THSD4: variants seen among roughly 807,000 people sequenced by gnomAD.
THSD4 encodes the protein thrombospondin type-1 domain-containing protein 4.
A neutral mutation model predicts 119.0 loss-of-function variants in THSD4; 69 were observed. The observed-to-expected ratio is 0.58, with a 90% CI of 0.48 to 0.71. The LOEUF (loss-of-function observed/expected upper bound fraction) is 0.71. THSD4 is among the 30% of genes least tolerant of loss of function. THSD4 has a pLI of 0.00. For missense variants in THSD4, 1,393 were observed against 1,391.1 expected (o/e 1.00, Z -0.02); for synonymous variants, 524 against 540.4 (o/e 0.97, Z 0.42).
chr15:71,730,588 T>A (rs2052957393), intron 9 of THSD4: 1 of 153,274 alleles, frequency 6.5e-6, no homozygotes, highest in Non-Finnish European at 1.5e-5. Context: ...CCTGGCCCCA[T>A]GTCTTTGTGT....
chr15:71,199,852 A>ATGCATGTGTGGGGTGTGTGTGTGTGTGG (rs1567155024), intron 3 of THSD4, among the ~76,000 whole-genome samples: 52 of 83,934 alleles, frequency 6.2e-4, no homozygotes, highest in East Asian at 4.2e-3. Context: ...GCTGTGTGTG[A>ATGCATGTGTGGGGTGTGTGTGTGTGTGG]TGCATGTGTG....
chr15:71,130,347 A>C (rs998822611), intron 1 of THSD4, among the ~76,000 whole-genome samples: 2 of 151,976 alleles, frequency 1.3e-5, no homozygotes, highest in African/African-American at 4.8e-5. Context: ...CACCACACCC[A>C]GCTATTTTTT....
At chr15:71,671,665 G>T (rs568381822) in intron 8 of THSD4, among the ~76,000 whole-genome samples, 5 of 152,172 alleles carry the variant, frequency 3.3e-5, no homozygotes, top group African/African-American at 1.2e-4. Flanking sequence ...TTTGTATAAG[G>T]TGTAAGGAAG....
chr15:71,349,610 C>T (rs1596357260), intron 6 of THSD4, among the ~76,000 whole-genome samples: 1 of 152,192 alleles, frequency 6.6e-6, no homozygotes, highest in Non-Finnish European at 1.5e-5. Flanking sequence ...GGTAGCATTC[C>T]CATTGTCTCT....
At chr15:71,383,046 CCCTT>C (rs1283166131) in intron 6 of THSD4, among the ~76,000 whole-genome samples, 4 of 152,168 alleles carry the variant, frequency 2.6e-5, no homozygotes, top group Non-Finnish European at 4.4e-5. Context: ...AGTCAAGGGA[CCCTT>C]CCCCCCATCA....
At chr15:71,725,862 A>G (rs777562645) in intron 8 of THSD4, among the ~76,000 whole-genome samples, 21 of 151,804 alleles carry the variant, frequency 1.4e-4, no homozygotes, top group African/African-American at 3.9e-4. Flanking sequence ...GCTCACCACA[A>G]CCTCCATCTC....
At chr15:71,337,781 G>C (rs185424213) in intron 6 of THSD4, among the ~76,000 whole-genome samples, 1 of 152,154 alleles carries the variant, frequency 6.6e-6, no homozygotes, top group Non-Finnish European at 1.5e-5. Context: ...CACCGGAGAC[G>C]TTCCCAGCAG....
chr15:71,644,953 T>C (rs2050938696), intron 7 of THSD4, among the ~76,000 whole-genome samples: 1 of 152,158 alleles, frequency 6.6e-6, no homozygotes. Context: ...TCCTAGTAAG[T>C]TATGGATTTA....
intron 14 of THSD4, among the ~76,000 whole-genome samples, chr15:71,754,727 G>T (rs897155281): frequency 6.6e-6 from 1 of 152,170 alleles, no homozygotes; most frequent in African/African-American, 2.4e-5. Flanking sequence ...GCTGACAAAA[G>T]ATTAACAGAT....
At chr15:71,275,596 C>T (rs956089696) in intron 6 of THSD4, among the ~76,000 whole-genome samples, 1 of 152,196 alleles carries the variant, frequency 6.6e-6, no homozygotes, top group African/African-American at 2.4e-5. Flanking sequence ...ATTTATCAGA[C>T]ATTCTCACCC....
At chr15:71,220,571 A>T (rs1178235209) in intron 4 of THSD4, among the ~76,000 whole-genome samples, 2 of 152,182 alleles carry the variant, frequency 1.3e-5, no homozygotes, top group Non-Finnish European at 2.9e-5. Context: ...TGCCTGGCCC[A>T]TAGTGGACAC....
chr15:71,522,664 A>G (rs1229512136), intron 7 of THSD4, among the ~76,000 whole-genome samples: 1 of 152,248 alleles, frequency 6.6e-6, no homozygotes, highest in Non-Finnish European at 1.5e-5. Context: ...TGTGGGGTGA[A>G]GAAATACAAA....
At chr15:71,114,458 C>T (rs1051190137), upstream of THSD4, among the ~76,000 whole-genome samples, 6 of 152,206 alleles carry the variant, frequency 3.9e-5, no homozygotes, top group Non-Finnish European at 8.8e-5. Flanking sequence ...TGTATCTGGA[C>T]AGCCTCTTCA....
In THSD4 at chr15:71,777,284, A is replaced by T; in HGVS notation, c.2967A>T (p.Arg989Ser). The T allele has an allele frequency of 6.2e-7, 1 of 1,614,142 alleles. No individual in the cohort carries two copies. Residue 989 changes from arginine to serine, a missense_variant, in exon 18 of 18, where the codon AGA (arginine) becomes AGT (serine). Physicochemically the swap from Arg to Ser is moderately radical, Grantham distance 110. Transcript: ENST00000261862. The part of the protein sequence containing the change: ...YYNCNVVVQA[R>S]LCVYNYYKTA... ...ACTGCAACGTGGTGGTCCAGGCAAGACTCTGTGTCTACAACTACTACAAGA... is the reference window on the plus strand; with the variant it reads ...ACTGCAACGTGGTGGTCCAGGCAAGTCTCTGTGTCTACAACTACTACAAGA...
At chr15:71,421,842 A>G (rs1366215880) in intron 7 of THSD4, among the ~76,000 whole-genome samples, 2 of 152,292 alleles carry the variant, frequency 1.3e-5, no homozygotes, top group East Asian at 3.9e-4. Context: ...TTTTGTAGGC[A>G]TGCCTTATTC....
intron 7 of THSD4, among the ~76,000 whole-genome samples, chr15:71,566,673 G>A (rs1254134496): frequency 6.6e-6 from 1 of 151,950 alleles, no homozygotes; most frequent in Non-Finnish European, 1.5e-5. Flanking sequence ...TTGCTCACTA[G>A]GCCTTCAAAG....
At chr15:71,298,579 A>G (rs145107827) in intron 6 of THSD4, among the ~76,000 whole-genome samples, 137 of 149,108 alleles carry the variant, frequency 9.2e-4, no homozygotes, top group African/African-American at 3.2e-3. Flanking sequence ...CTTCTGTGAG[A>G]CTGAGACTGA....
At chr15:71,280,948 A>T (rs2044644190) in intron 6 of THSD4, among the ~76,000 whole-genome samples, 1 of 152,210 alleles carries the variant, frequency 6.6e-6, no homozygotes, top group Admixed American at 6.5e-5. Flanking sequence ...TTTGTAATTC[A>T]TGGGGGCAAT....
At chr15:71,731,521 G>C in intron 10 of THSD4, 1 of 352,532 alleles carries the variant, frequency 2.8e-6, no homozygotes, top group South Asian at 3.0e-5. Context: ...GCTCATGCCT[G>C]TAATCCTAGC....
Sources: allele counts gnomAD v4.1 joint callset (sites outside exome capture counted in the v4.1 genomes callset), GRCh38; gene constraint gnomAD v4.1.1; transcripts MANE v1.5; gene names NCBI Gene and HGNC (gene_info 2026-07-23, HGNC 2026-07-21).